FLT1: variants seen among roughly 807,000 people sequenced by gnomAD.
The protein encoded by FLT1 is vascular endothelial growth factor receptor 1.
A neutral mutation model predicts 156.3 loss-of-function variants in FLT1; 49 were observed. The observed-to-expected ratio is 0.31, with a 90% CI of 0.25 to 0.40. FLT1 has a LOEUF of 0.40. Ranked by LOEUF, FLT1 falls within the 10% of genes least tolerant of loss-of-function variation. FLT1 has a pLI of 1.00. For missense variants in FLT1, 1,322 were observed against 1,637.2 expected (o/e 0.81, Z 3.32); for synonymous variants, 594 against 583.8 (o/e 1.02, Z -0.25).
chr13:28,357,242 T>C (rs1872929509), intron 15 of FLT1, among the ~76,000 whole-genome samples: 1 of 152,178 alleles, frequency 6.6e-6, no homozygotes, highest in South Asian at 2.1e-4. Flanking sequence ...TGTGGACTAC[T>C]CTGGCCACTC....
chr13:28,351,974 C>T (rs1208866995), intron 15 of FLT1, among the ~76,000 whole-genome samples: 1 of 152,182 alleles, frequency 6.6e-6, no homozygotes, highest in Non-Finnish European at 1.5e-5. Context: ...GATTGGTATA[C>T]CATCATTAGC....
intron 12 of FLT1, among the ~76,000 whole-genome samples, chr13:28,394,379 T>C (rs1466650718): frequency 1.3e-5 from 2 of 152,158 alleles, no homozygotes; most frequent in East Asian, 3.9e-4. Flanking sequence ...CCTTGGGATC[T>C]AGAAGAGGTT....
Position 28,317,503 on chromosome 13 carries a change from A to G in FLT1, c.3381T>C (p.Pro1127=). The part of the protein sequence containing the change: ...MRMRAPEYST[P]EIYQIMLDCW... ...AGAGGGCACCAAGGGCTCACATTTC[A>G]GGAGTAGAGTACTCAGGAGCTCTCA... The change falls in exon 25 of 30, where the codon CCT becomes CCC. Residue 1127 remains proline, a synonymous_variant. Coordinates refer to ENST00000282397, the MANE Select transcript of FLT1 (RefSeq NM_002019.4). The G allele has an allele frequency of 6.2e-7, 1 of 1,607,724 alleles. No individual in the cohort carries two copies. The highest frequency in any genetic ancestry group is 8.5e-7 in the Non-Finnish European group (1 of 1,174,400).
chr13:28,396,706 T>C (rs925712119), intron 12 of FLT1: 6 of 597,286 alleles, frequency 1.0e-5, no homozygotes, highest in African/African-American at 9.3e-5. Context: ...GCATACAAGA[T>C]TCCCAATTCA....
chr13:28,473,792 AAG>A (rs1161223335), intron 1 of FLT1, among the ~76,000 whole-genome samples: 14 of 119,108 alleles, frequency 1.2e-4, no homozygotes, highest in Admixed American at 3.5e-4. Flanking sequence ...GAAAGAAAGA[AAG>A]AAAGAAAGAA....
At chr13:28,460,000 C>A (rs1340686851) in intron 3 of FLT1, among the ~76,000 whole-genome samples, 1 of 152,246 alleles carries the variant, frequency 6.6e-6, no homozygotes, top group Non-Finnish European at 1.5e-5. Flanking sequence ...GGCGATGAAG[C>A]CTGCAGATTG....
intron 29 of FLT1, among the ~76,000 whole-genome samples, chr13:28,306,229 G>A (rs768481394): frequency 9.2e-5 from 14 of 152,210 alleles, no homozygotes; most frequent in Non-Finnish European, 1.6e-4. Context: ...GATGAAATGG[G>A]AAAGTCATTC....
intron 25 of FLT1, among the ~76,000 whole-genome samples, chr13:28,313,082 G>T (rs1482152217): frequency 1.3e-5 from 2 of 151,938 alleles, no homozygotes; most frequent in Non-Finnish European, 2.9e-5. Context: ...AGGTTCAAGC[G>T]ATCCTCCTGC....
At chr13:28,414,916 C>T (rs762804140) in intron 10 of FLT1, among the ~76,000 whole-genome samples, 2 of 152,174 alleles carry the variant, frequency 1.3e-5, no homozygotes, top group Non-Finnish European at 2.9e-5. Context: ...ACACCCCTGA[C>T]CTAAGCACTA....
chr13:28,388,775 T>C, intron 13 of FLT1: 2 of 1,059,626 alleles, frequency 1.9e-6, no homozygotes, highest in Non-Finnish European at 2.3e-6. Flanking sequence ...ACAATAGCCT[T>C]TATTTCCTTG....
At chr13:28,381,702 A>G (rs955831534) in intron 14 of FLT1, among the ~76,000 whole-genome samples, 1 of 152,204 alleles carries the variant, frequency 6.6e-6, no homozygotes, top group African/African-American at 2.4e-5. Context: ...AAAACTACCC[A>G]TCTTGGTAGT....
intron 15 of FLT1, among the ~76,000 whole-genome samples, chr13:28,352,977 G>GT (rs1455740564): frequency 6.6e-6 from 1 of 152,158 alleles, no homozygotes; most frequent in Non-Finnish European, 1.5e-5. Flanking sequence ...ATTGTTTTCA[G>GT]TTTTTTCTGT....
At chr13:28,415,095 C>G (rs1429827237) in intron 10 of FLT1, among the ~76,000 whole-genome samples, 1 of 152,208 alleles carries the variant, frequency 6.6e-6, no homozygotes, top group Non-Finnish European at 1.5e-5. Context: ...GCAGTGTCAT[C>G]CAGTCTAATG....
At chr13:28,443,172 A>G (rs1415368654) in intron 3 of FLT1, among the ~76,000 whole-genome samples, 1 of 152,226 alleles carries the variant, frequency 6.6e-6, no homozygotes, top group Admixed American at 6.5e-5. Context: ...GGAAACTGGC[A>G]TAGAATATGA....
intron 1 of FLT1, among the ~76,000 whole-genome samples, chr13:28,487,782 G>C (rs1029862767): frequency 2.0e-5 from 3 of 152,010 alleles, no homozygotes; most frequent in Admixed American, 6.6e-5. Context: ...AAAGCAAAAG[G>C]CTTGTAGAAC....
At position 28,383,666 on chromosome 13, in the gene FLT1, TA is replaced by T. The variant is rs1177470038; in HGVS notation, c.2116+1218del. 2.5e-3 allele frequency among the ~76,000 whole-genome samples: 330 copies of T among 130,962 alleles called. 1 individual carries two copies. Among genetic ancestry groups the T allele is most frequent in the Admixed American group, 3.3e-3 (45 of 13,500 alleles). 85.9% of individuals were successfully genotyped at this position (130,962 alleles called of 152,430 possible). A position where few individuals can be genotyped will look rare whatever the true frequency, so the allele number is the denominator to read the frequency against. ...GACAGAGCGAGACTCTGTCTCAATT[TA>T]AAAAAAAAAAAATTAGCTGGGTGTG... On this transcript the variant is annotated intron_variant, in intron 14 of 29. Transcript: ENST00000282397.
chr13:28,488,926 T>C (rs1881325377), intron 1 of FLT1, among the ~76,000 whole-genome samples: 1 of 152,168 alleles, frequency 6.6e-6, no homozygotes, highest in African/African-American at 2.4e-5. Flanking sequence ...AGTCAAACCC[T>C]AAAATTTGAG....
At chr13:28,417,339 C>T (rs1876711004) in intron 10 of FLT1, among the ~76,000 whole-genome samples, 2 of 152,100 alleles carry the variant, frequency 1.3e-5, no homozygotes, top group African/African-American at 2.4e-5. Context: ...ACATCTTTGT[C>T]CCTCTCCCCT....
At position 28,308,886 on chromosome 13, in the gene FLT1, T is replaced by C; in HGVS notation, c.3677A>G (p.Lys1226Arg). 2 of 1,612,924 alleles carry C rather than the reference T, an allele frequency of 1.2e-6. No homozygotes were observed. Among genetic ancestry groups the C allele is most frequent in the Non-Finnish European group, 1.7e-6 (2 of 1,178,834 alleles). Residue 1226 changes from lysine to arginine, a missense_variant, in exon 28 of 30, where the codon AAA (lysine) becomes AGA (arginine). Coordinates refer to ENST00000282397, the MANE Select transcript of FLT1 (RefSeq NM_002019.4). ...AFKFMSLERI[K>R]TFEELLPNAT... The stretch of plus-strand genomic sequence containing the variant: ...ATTCGGTAAAAGTTCTTCAAAGGTT[T>C]TGATTCTTTCCAGGCTCATGAACTT...
Sources: gnomAD v4.1 joint callset for allele counts (sites outside exome capture counted in the v4.1 genomes callset) on GRCh38, gnomAD v4.1.1 for gene constraint, MANE v1.5 for transcripts, NCBI Gene and HGNC (gene_info 2026-07-23, HGNC 2026-07-21) for gene names.